PRMT7: variants seen among roughly 807,000 people sequenced by gnomAD.
PRMT7 encodes protein arginine methyltransferase 7, also known as protein arginine N-methyltransferase 7.
In PRMT7, 75 loss-of-function variants were observed where a neutral mutation model predicts 85.4. The observed-to-expected ratio is 0.88, with a 90% CI of 0.73 to 1.06. The LOEUF is 1.06. PRMT7 is among the 50% of genes least tolerant of loss of function. The pLI is 0.00. For missense variants in PRMT7, 868 were observed against 915.2 expected, an observed-to-expected ratio of 0.95 and a Z score of 0.67; for synonymous variants, 397 against 359.5, an observed-to-expected ratio of 1.10 and a Z score of -1.18.
rs975059708 is a variant in PRMT7 at position 68,333,249 on chromosome 16, C to T, written c.391+4075C>T. On this transcript the variant is annotated intron_variant, in intron 6 of 18. Transcript: ENST00000441236. ...CTGTAATCCTAGCACTTTGGGAGGC[C>T]GAGGCTGGCGGATCACCTGAGGTTG... Among the ~76,000 whole-genome samples the T allele has an allele frequency of 1.3e-4, 20 of 151,932 alleles. 1 individual carries two copies. Among genetic ancestry groups the T allele is most frequent in the Non-Finnish European group, 2.5e-4 (17 of 67,960 alleles).
chr16:68,323,171 G>A (rs1359795604), intron 4 of PRMT7, among the ~76,000 whole-genome samples: 1 of 151,290 alleles, frequency 6.6e-6, no homozygotes, highest in Non-Finnish European at 1.5e-5. Flanking sequence ...ACATTTTTGT[G>A]CTTTACCTCA....
Position 68,311,031 on chromosome 16 carries a change from T to C in PRMT7, c.-287T>C. ...CAGCACGCTCCTCGACGCTGCGAGG[T>C]CCCGCCCCGCGTGCTGGCCGCGGTA... On this transcript the variant is annotated 5_prime_UTR_variant, in exon 1 of 19. Transcript: ENST00000441236. 1 of 1,053,668 alleles carries C rather than the reference T, an allele frequency of 9.5e-7. No individual in the cohort carries two copies. Among genetic ancestry groups the C allele is most frequent in the Non-Finnish European group, 1.4e-6 (1 of 707,664 alleles). The allele number at this position is 1,053,668 out of a possible 1,614,324, so 65.3% of individuals were successfully genotyped here.
chr16:68,338,012 A>C lies in PRMT7; in HGVS notation c.504+441A>C, dbSNP rs772752268. Among the ~76,000 whole-genome samples, 3 of 152,102 alleles carry C rather than the reference A, an allele frequency of 2.0e-5. No individual in the cohort carries two copies. The South Asian group carries it at 6.2e-4, about 32-fold the overall frequency. On this transcript the variant is annotated intron_variant, in intron 7 of 18. Coordinates refer to ENST00000441236, the MANE Select transcript of PRMT7 (RefSeq NM_019023.5). ...AGAGATGGGCTTAGCAACTGAGGCT[A>C]GAGAGCTGGGCAGGGGCTAGATGGA...
intron 6 of PRMT7, among the ~76,000 whole-genome samples, chr16:68,336,634 C>T (rs1171857930): frequency 6.6e-6 from 1 of 152,146 alleles, no homozygotes; most frequent in Non-Finnish European, 1.5e-5. Context: ...TAATTTATAT[C>T]TCTCTAATTG....
intron 9 of PRMT7, among the ~76,000 whole-genome samples, chr16:68,342,264 C>T (rs1459523080): frequency 3.3e-5 from 5 of 151,966 alleles, no homozygotes; most frequent in African/African-American, 9.7e-5. Context: ...GGTGGCAGAG[C>T]GAGACTCTGT....
chr16:68,348,290 CA>C (rs2086707824), intron 13 of PRMT7, 51 bp from the exon 14 acceptor site: 3 of 1,400,284 alleles, frequency 2.1e-6, no homozygotes, highest in Non-Finnish European at 3.0e-6. Context: ...TTTTTCCTGA[CA>C]AACACAATAC....
In PRMT7 at chr16:68,311,059, A is replaced by C; in HGVS notation, c.-259A>C. ...CGCCCCGCGTGCTGGCCGCGGTAAA[A>C]GTGGTAGCAGCGGAGGCGAGCGGAG... On this transcript the variant is annotated 5_prime_UTR_variant, in exon 1 of 19. Transcript: ENST00000441236. 2.4e-6 allele frequency: 2 copies of C among 845,018 alleles called. No individual in the cohort carries two copies. Among genetic ancestry groups the C allele is most frequent in the Non-Finnish European group, 3.9e-6 (2 of 517,212 alleles). The allele number at this position is 845,018 out of a possible 1,614,324, so 52.3% of individuals were successfully genotyped here.
intron 4 of PRMT7, 71 bp from the exon 5 acceptor site, chr16:68,324,612 T>C (rs1388309326): frequency 7.6e-6 from 12 of 1,577,862 alleles, no homozygotes; most frequent in Non-Finnish European, 8.7e-6. Context: ...GCTGTGACTC[T>C]AGAACTTTGC....
intron 2 of PRMT7, 53 bp downstream of exon 2, chr16:68,312,229 A>ATATAT (rs1419393129): frequency 8.4e-4 from 95 of 112,692 alleles, no homozygotes; most frequent in Non-Finnish European, 3.7e-4. Context: ...ATATATATAT[A>ATATAT]TTTTTTTTTT....
At position 68,330,418 on chromosome 16, in the gene PRMT7, C is replaced by T. The variant is rs1193243678; in HGVS notation, c.391+1244C>T. On this transcript the variant is annotated intron_variant, in intron 6 of 18. Transcript: ENST00000441236. ...TAAAGTGATCCTCCCATCTCAGCGA[C>T]CCAAGTACCTGGGACTACAGGTGTG... Among the ~76,000 whole-genome samples, 3 of 152,082 alleles carry T rather than the reference C, an allele frequency of 2.0e-5. 1 individual carries two copies. Among genetic ancestry groups the T allele is most frequent in the African/African-American group, 7.2e-5 (3 of 41,402 alleles).
At chr16:68,345,473 C>G (rs1445158733) in intron 9 of PRMT7, among the ~76,000 whole-genome samples, 1 of 152,212 alleles carries the variant, frequency 6.6e-6, no homozygotes, top group Admixed American at 6.5e-5. Context: ...TTGTGTCTTC[C>G]TAAAGCCAGC....
intron 9 of PRMT7, among the ~76,000 whole-genome samples, chr16:68,342,765 C>T (rs1371954263): frequency 2.0e-5 from 3 of 152,204 alleles, no homozygotes; most frequent in Non-Finnish European, 2.9e-5. Context: ...GTGCCTGGCC[C>T]CGGGTGTGTG....
Position 68,347,680 on chromosome 16 carries a change from T to G in PRMT7, c.1323+2T>G, listed in dbSNP as rs1339009950. The G allele has an allele frequency of 1.2e-6, 2 of 1,613,440 alleles. No individual in the cohort carries two copies. Among genetic ancestry groups the G allele is most frequent in the Non-Finnish European group, 1.7e-6 (2 of 1,179,646 alleles). On this transcript the variant is annotated splice_donor_variant, in intron 13 of 18. Transcript: ENST00000441236. LOFTEE classifies it high-confidence loss of function. ...GCTTCTCACAAACTGTTGAGAAAAGTAAGTGAGAATTGTTGTTGCTGAAAT... is the reference window on the plus strand; with the variant it reads ...GCTTCTCACAAACTGTTGAGAAAAGGAAGTGAGAATTGTTGTTGCTGAAAT...
At chr16:68,326,488 C>G (rs1597215597) in intron 5 of PRMT7, among the ~76,000 whole-genome samples, 2 of 152,122 alleles carry the variant, frequency 1.3e-5, no homozygotes, top group East Asian at 3.8e-4. Context: ...TCAGGGGATC[C>G]CCCCACCTCA....
intron 7 of PRMT7, among the ~76,000 whole-genome samples, chr16:68,338,112 A>G (rs1312382441): frequency 6.6e-6 from 1 of 152,170 alleles, no homozygotes; most frequent in Admixed American, 6.5e-5. Context: ...GGTTTGAAGC[A>G]GAGGATTGAC....
At chr16:68,337,134 A>G (rs796627943) in intron 6 of PRMT7, among the ~76,000 whole-genome samples, 9 of 152,240 alleles carry the variant, frequency 5.9e-5, no homozygotes, top group African/African-American at 1.9e-4. Flanking sequence ...TCCATTGGGT[A>G]TTTATAGTTT....
At chr16:68,322,478 A>AGGTG in intron 4 of PRMT7, 2 of 434,188 alleles carry the variant, frequency 4.6e-6, no homozygotes, top group East Asian at 7.4e-5. Flanking sequence ...GATTATGGGC[A>AGGTG]TGAGCTACTG....
intron 2 of PRMT7, chr16:68,315,528 T>G: frequency 5.1e-6 from 1 of 195,596 alleles, no homozygotes; most frequent in Admixed American, 6.2e-5. Context: ...GCAGTATTGG[T>G]GGCACTTCTT....
At chr16:68,312,205 T>TTATATATATA (rs61533636) in intron 2 of PRMT7, 29 bp downstream of exon 2, 1 of 130,646 alleles carries the variant, frequency 7.7e-6, no homozygotes, top group African/African-American at 2.9e-5. Context: ...ATATGTATAT[T>TTATATATATA]TATATATATA....
Sources: gnomAD v4.1 joint callset for allele counts (sites outside exome capture counted in the v4.1 genomes callset) on GRCh38, gnomAD v4.1.1 for gene constraint, MANE v1.5 for transcripts, NCBI Gene and HGNC (gene_info 2026-07-23, HGNC 2026-07-21) for gene names.